OPHN1: variants seen among roughly 807,000 people sequenced by gnomAD.
OPHN1 encodes the protein oligophrenin-1.
OPHN1 carries 11 observed loss-of-function variants against 60.7 expected under a neutral mutation model. That is an observed-to-expected ratio of 0.18 (90% CI 0.11 to 0.30). The LOEUF is 0.30. OPHN1 is among the 10% of genes least tolerant of loss of function. OPHN1 has a pLI of 1.00. For missense variants in OPHN1, 449 were observed against 611.0 expected (o/e 0.73, Z 2.80); for synonymous variants, 226 against 222.6 (o/e 1.02, Z -0.14).
At chrX:68,324,446 T>TA (rs58334942) in intron 2 of OPHN1, among the ~76,000 whole-genome samples, 8,763 of 91,246 alleles carry the variant, frequency 0.096, 1,063 homozygotes, top group African/African-American at 0.32. Context: ...CTACAAAAAT[T>TA]AAAAAAAAAA....
chrX:68,301,392 G>GCC (rs1364322166), intron 2 of OPHN1, among the ~76,000 whole-genome samples: 2 of 98,023 alleles, frequency 2.0e-5, no homozygotes, highest in Non-Finnish European at 4.0e-5. Flanking sequence ...GTTGCAGCGA[G>GCC]CCGAGATCAT....
intron 21 of OPHN1, among the ~76,000 whole-genome samples, chrX:68,061,694 T>C (rs1227413364): frequency 1.8e-5 from 2 of 111,671 alleles, no homozygotes; most frequent in Admixed American, 9.5e-5. Context: ...GGTGAACTGT[T>C]TTCCCATTTT....
At chrX:68,223,486 G>A (rs868256781) in intron 6 of OPHN1, among the ~76,000 whole-genome samples, 4 of 111,609 alleles carry the variant, frequency 3.6e-5, no homozygotes, top group Middle Eastern at 4.6e-3. Flanking sequence ...TTATTAGTGG[G>A]AGCTAAGCTC....
chrX:68,345,350 G>T (rs997197631), intron 2 of OPHN1, among the ~76,000 whole-genome samples: 1 of 111,618 alleles, frequency 9.0e-6, no homozygotes, highest in Admixed American at 9.6e-5. Context: ...ATATCTTAAA[G>T]AAATAATTTG....
chrX:68,082,353 C>T (rs768702956), intron 19 of OPHN1, among the ~76,000 whole-genome samples: 1 of 112,170 alleles, frequency 8.9e-6, no homozygotes, highest in South Asian at 3.7e-4. Context: ...TTTACTTTGC[C>T]CAGATTCATC....
At chrX:68,071,972 G>A (rs1602137312) in intron 20 of OPHN1, among the ~76,000 whole-genome samples, 1 of 111,925 alleles carries the variant, frequency 8.9e-6, no homozygotes, top group Non-Finnish European at 1.9e-5. Context: ...TAGAAGCAGT[G>A]GGCAGTAGTA....
chrX:68,184,357 A>G lies in OPHN1; in HGVS notation c.1276+8562T>C, dbSNP rs184367006. 1.6e-3 allele frequency among the ~76,000 whole-genome samples: 174 copies of G among 109,541 alleles called. 1 individual carries two copies. Among genetic ancestry groups the G allele is most frequent in the African/African-American group, 5.4e-3 (163 of 30,178 alleles). On this transcript the variant is annotated intron_variant, in intron 15 of 24. Coordinates refer to ENST00000355520, the MANE Select transcript of OPHN1 (RefSeq NM_002547.3). ...GCCAACATGGTGAAACCCTGTCTCT[A>G]CTAAAAATACAAAAATTAGCCAGGT...
intron 18 of OPHN1, among the ~76,000 whole-genome samples, chrX:68,101,374 G>C (rs1232070308): frequency 8.9e-6 from 1 of 112,213 alleles, no homozygotes; most frequent in Non-Finnish European, 1.9e-5. Flanking sequence ...TGCCTGATAA[G>C]TGTAATTTTA....
chrX:68,275,005 G>T (rs190211037), intron 4 of OPHN1, among the ~76,000 whole-genome samples, 196 bp from the exon 5 acceptor site: 12 of 112,234 alleles, frequency 1.1e-4, no homozygotes, highest in Admixed American at 5.7e-4. Context: ...ATGGGAGAAA[G>T]AATAAGAGGG....
intron 2 of OPHN1, among the ~76,000 whole-genome samples, chrX:68,373,577 C>T (rs2078540487): frequency 9.0e-6 from 1 of 111,374 alleles, no homozygotes; most frequent in Admixed American, 9.7e-5. Context: ...CTACCAGAAC[C>T]CTACCTCAGC....
chrX:68,333,920 G>A (rs2078309185), intron 2 of OPHN1, among the ~76,000 whole-genome samples: 1 of 102,110 alleles, frequency 9.8e-6, no homozygotes, highest in African/African-American at 3.6e-5. Context: ...GGTTGGGGGA[G>A]CCAGAGTCTC....
intron 5 of OPHN1, among the ~76,000 whole-genome samples, chrX:68,236,996 T>G (rs959952117): frequency 1.8e-5 from 2 of 112,320 alleles, no homozygotes; most frequent in African/African-American, 3.2e-5. Flanking sequence ...TTCTTTTGTT[T>G]TGTTTTGAGA....
intron 2 of OPHN1, among the ~76,000 whole-genome samples, chrX:68,350,921 G>A (rs965251713): frequency 8.1e-5 from 9 of 110,633 alleles, no homozygotes; most frequent in African/African-American, 2.3e-4. Context: ...TTATTTTTCT[G>A]AAACTGTTTT....
chrX:68,230,419 T>C (rs920402119), intron 6 of OPHN1, among the ~76,000 whole-genome samples: 1 of 111,329 alleles, frequency 9.0e-6, no homozygotes, highest in African/African-American at 3.3e-5. Context: ...ACTGGGTATA[T>C]ATCCAAAGGA....
intron 5 of OPHN1, among the ~76,000 whole-genome samples, chrX:68,245,223 T>C (rs2077799493): frequency 9.0e-6 from 1 of 111,219 alleles, no homozygotes; most frequent in African/African-American, 3.3e-5. Context: ...CTTAACTCAG[T>C]ACCAAGTATA....
At chrX:68,336,341 AC>A (rs1369933010) in intron 2 of OPHN1, 1 of 109,830 alleles carries the variant, frequency 9.1e-6, no homozygotes, top group African/African-American at 3.3e-5. Context: ...TGGGCAACAG[AC>A]TGAGACCCCA....
At chrX:68,063,532 A>G (rs2076901228) in intron 21 of OPHN1, among the ~76,000 whole-genome samples, 1 of 111,455 alleles carries the variant, frequency 9.0e-6, no homozygotes, top group Non-Finnish European at 1.9e-5. Flanking sequence ...AAAAAAAAAA[A>G]AAAGAAAATA....
intron 10 of OPHN1, among the ~76,000 whole-genome samples, chrX:68,202,593 G>A (rs1185503460): frequency 9.1e-6 from 1 of 109,616 alleles, no homozygotes; most frequent in Non-Finnish European, 1.9e-5. Context: ...TCCGCCTCCC[G>A]GGTTCAAGCG....
chrX:68,252,236 A>G (rs1803059075), intron 5 of OPHN1, among the ~76,000 whole-genome samples: 2 of 112,441 alleles, frequency 1.8e-5, no homozygotes, highest in South Asian at 7.4e-4. Flanking sequence ...GCCAACCCAT[A>G]GATGTGTGAG....
Sources: allele counts gnomAD v4.1 joint callset (sites outside exome capture counted in the v4.1 genomes callset), GRCh38; gene constraint gnomAD v4.1.1; transcripts MANE v1.5; gene names NCBI Gene and HGNC (gene_info 2026-07-23, HGNC 2026-07-21).